The following UGT8 variants were observed in gnomAD, a reference collection of about 807,000 sequenced individuals.
The protein encoded by UGT8 is UDP glycosyltransferase 8.
UGT8 carries 12 observed loss-of-function variants against 40.5 expected under a neutral mutation model. The observed-to-expected ratio is 0.30, with a 90% CI of 0.19 to 0.48. The LOEUF is 0.48. Ranked by LOEUF, UGT8 falls within the 20% of genes least tolerant of loss-of-function variation. The probability of loss-of-function intolerance (pLI) is 0.99; values close to 1 mark genes in which losing one functional copy is unlikely to be tolerated. For synonymous variants in UGT8, 224 were observed against 240.4 expected (o/e 0.93, Z 0.63); for missense variants, 513 against 648.7 (o/e 0.79, Z 2.27).
rs183716310 is a variant in UGT8 at position 114,637,712 on chromosome 4, C to T, written c.822+14010C>T. Among the ~76,000 whole-genome samples, 18 of 152,274 alleles carry T rather than the reference C, an allele frequency of 1.2e-4. 1 individual carries two copies. The highest frequency in any genetic ancestry group is 3.9e-4 in the Admixed American group (6 of 15,300). On this transcript the variant is annotated intron_variant, in intron 2 of 5. Transcript: ENST00000310836. ...AGTAGCTGCCCTTAGGCCTTCATCA[C>T]GCAGAGTTAATTTATTCCAATTATA...
chr4:114,673,361 C>T (rs1192114948), intron 5 of UGT8, among the ~76,000 whole-genome samples: 1 of 152,166 alleles, frequency 6.6e-6, no homozygotes, highest in Admixed American at 6.5e-5. Context: ...CCATGGACCT[C>T]CTCTGAACAG....
intron 1 of UGT8, among the ~76,000 whole-genome samples, chr4:114,601,938 C>T (rs1246863216): frequency 2.6e-5 from 4 of 151,454 alleles, no homozygotes; most frequent in Non-Finnish European, 5.9e-5. Flanking sequence ...TTTTTTCCAT[C>T]AAATGATGTG....
intron 1 of UGT8, among the ~76,000 whole-genome samples, chr4:114,604,776 T>A (rs1366439039): frequency 3.3e-5 from 5 of 152,182 alleles, no homozygotes; most frequent in Non-Finnish European, 5.9e-5. Context: ...TAAAACAAAA[T>A]TAGATATTCC....
At chr4:114,610,857 A>G (rs1048323108) in intron 1 of UGT8, among the ~76,000 whole-genome samples, 1 of 152,216 alleles carries the variant, frequency 6.6e-6, no homozygotes, top group South Asian at 2.1e-4. Context: ...CTTAATATAA[A>G]TGTTAAAAAT....
chr4:114,600,675 C>T (rs906341775), intron 1 of UGT8, among the ~76,000 whole-genome samples: 2 of 152,052 alleles, frequency 1.3e-5, no homozygotes, highest in African/African-American at 4.8e-5. Context: ...TTAAGAGTAA[C>T]CATACTTTGT....
chr4:114,644,693 C>T (rs1410142484), intron 2 of UGT8, among the ~76,000 whole-genome samples: 1 of 152,086 alleles, frequency 6.6e-6, no homozygotes, highest in African/African-American at 2.4e-5. Flanking sequence ...CCTTTTGCTG[C>T]CTAAAATGTT....
At chr4:114,650,185 G>T (rs960192277) in intron 2 of UGT8, among the ~76,000 whole-genome samples, 2 of 152,198 alleles carry the variant, frequency 1.3e-5, no homozygotes, top group African/African-American at 4.8e-5. Context: ...TGCCTTTGGA[G>T]TTGCATTATT....
chr4:114,603,549 G>T (rs2126083224), intron 1 of UGT8, among the ~76,000 whole-genome samples: 1 of 152,234 alleles, frequency 6.6e-6, no homozygotes, highest in South Asian at 2.1e-4. Context: ...GGAGAGTTAG[G>T]AGGGTGTAAC....
At chr4:114,639,809 C>A (rs934077628) in intron 2 of UGT8, among the ~76,000 whole-genome samples, 1 of 152,148 alleles carries the variant, frequency 6.6e-6, no homozygotes, top group Non-Finnish European at 1.5e-5. Flanking sequence ...ACACAGTAAA[C>A]CTACTTCTCC....
intron 1 of UGT8, among the ~76,000 whole-genome samples, chr4:114,609,025 T>A (rs1023688364): frequency 6.6e-6 from 1 of 152,176 alleles, no homozygotes; most frequent in African/African-American, 2.4e-5. Flanking sequence ...ATTCTTCTGG[T>A]CAGAATATCT....
At chr4:114,631,463 G>A (rs1732569762) in intron 2 of UGT8, among the ~76,000 whole-genome samples, 1 of 152,212 alleles carries the variant, frequency 6.6e-6, no homozygotes. Context: ...CGCCAGCCTG[G>A]GCGACAGAGT....
In UGT8 at chr4:114,668,209, A is replaced by G; in HGVS notation, c.1167A>G (p.Arg389=). ...LFGDHYDTMT[R]VQAKGMGILL... ...GAGACCATTATGATACTATGACCAG[A>G]GTACAGGCAAAAGGCATGGGGATAT... The change falls in exon 5 of 6, where the codon AGA becomes AGG. Residue 389 remains arginine, a synonymous_variant. Transcript: ENST00000310836. The G allele has an allele frequency of 1.9e-6, 3 of 1,613,922 alleles. No homozygotes were observed. Among genetic ancestry groups the G allele is most frequent in the Non-Finnish European group, 2.5e-6 (3 of 1,179,852 alleles).
chr4:114,659,625 A>G (rs183032116), intron 2 of UGT8, among the ~76,000 whole-genome samples: 17 of 152,274 alleles, frequency 1.1e-4, no homozygotes, highest in Non-Finnish European at 5.9e-5. Flanking sequence ...TGGTCTACGT[A>G]CAAGACGATG....
chr4:114,650,667 A>G (rs76147709), intron 2 of UGT8, among the ~76,000 whole-genome samples: 9,402 of 152,178 alleles, frequency 0.062, 395 homozygotes, highest in East Asian at 0.14. Context: ...ACTTTTGGTC[A>G]TTGGTTTTTA....
intron 5 of UGT8, among the ~76,000 whole-genome samples, chr4:114,674,386 T>C (rs1735490213): frequency 6.6e-6 from 1 of 152,164 alleles, no homozygotes; most frequent in Admixed American, 6.5e-5. Flanking sequence ...TTTTACCAAC[T>C]CCTGCCAACT....
chr4:114,647,181 G>A (rs1489155120), intron 2 of UGT8, among the ~76,000 whole-genome samples: 5 of 152,054 alleles, frequency 3.3e-5, no homozygotes, highest in Non-Finnish European at 7.4e-5. Flanking sequence ...CAGTAGTATT[G>A]CCTGAGATGT....
intron 2 of UGT8, among the ~76,000 whole-genome samples, chr4:114,655,034 A>C (rs1031340567): frequency 2.0e-5 from 3 of 151,394 alleles, no homozygotes; most frequent in African/African-American, 7.3e-5. Context: ...TAGACCACTT[A>C]CCAATTCCCG....
intron 2 of UGT8, among the ~76,000 whole-genome samples, chr4:114,648,371 G>GTTTTT (rs71753758): frequency 3.2e-5 from 4 of 125,696 alleles, no homozygotes; most frequent in African/African-American, 1.2e-4. Flanking sequence ...AGAAAATCTG[G>GTTTTT]TTTTTTTTTT....
chr4:114,644,266 C>T lies in UGT8; in HGVS notation c.823-19729C>T, dbSNP rs116658881. ...TGTAGAGTGCTATAATTAATTATAGCAGAAGAAGCTGAAAGTAGGTTTAAG... is the reference window on the plus strand; with the variant it reads ...TGTAGAGTGCTATAATTAATTATAGTAGAAGAAGCTGAAAGTAGGTTTAAG... On this transcript the variant is annotated intron_variant, in intron 2 of 5. Coordinates refer to ENST00000310836, the MANE Select transcript of UGT8 (RefSeq NM_001128174.3). Among the ~76,000 whole-genome samples the T allele has an allele frequency of 7.2e-3, 1,100 of 152,072 alleles. 16 individuals carry two copies. Among genetic ancestry groups the T allele is most frequent in the African/African-American group, 0.025 (1,019 of 41,500 alleles).
Sources: allele counts gnomAD v4.1 joint callset (sites outside exome capture counted in the v4.1 genomes callset), GRCh38; gene constraint gnomAD v4.1.1; transcripts MANE v1.5; gene names NCBI Gene and HGNC (gene_info 2026-07-23, HGNC 2026-07-21).